Variants in TLCD4 observed in about 807,000 individuals in gnomAD.
TLCD4 encodes the protein TLC domain containing 4, also known as TLC domain-containing protein 4.
Under a neutral mutation model 24.2 loss-of-function variants are expected in TLCD4, and 7 were observed. The observed-to-expected ratio is 0.29, with a 90% CI of 0.16 to 0.54. The LOEUF (loss-of-function observed/expected upper bound fraction) is 0.54. TLCD4 is among the 20% of genes least tolerant of loss of function. The pLI, the probability that TLCD4 is intolerant of heterozygous loss-of-function variation, is 0.95. For missense variants in TLCD4, 259 were observed against 313.9 expected, an observed-to-expected ratio of 0.82 and a Z score of 1.32; for synonymous variants, 103 against 106.4, an observed-to-expected ratio of 0.97 and a Z score of 0.20.
intron 5 of TLCD4, among the ~76,000 whole-genome samples, chr1:95,172,734 A>G (rs1678272350): frequency 1.3e-5 from 2 of 152,196 alleles, no homozygotes; most frequent in African/African-American, 4.8e-5. Context: ...AAGTCCACCT[A>G]TTATTTTTTT....
chr1:95,111,323 A>C, the TLCD4 span, among the ~76,000 whole-genome samples: 6 of 128,224 alleles, frequency 4.7e-5, no homozygotes, highest in African/African-American at 8.3e-5. Flanking sequence ...CAAAACAAAA[A>C]AAAAGAAAAG....
intron 6 of TLCD4, among the ~76,000 whole-genome samples, chr1:95,183,582 T>C (rs1052688100): frequency 7.2e-5 from 11 of 152,178 alleles, no homozygotes; most frequent in African/African-American, 2.7e-4. Context: ...CTCACGCCTG[T>C]AATCCCAGCA....
intron 6 of TLCD4, among the ~76,000 whole-genome samples, chr1:95,183,374 G>C (rs6593615): frequency 0.98 from 149,663 of 152,252 alleles, 73,609 homozygotes; most frequent in East Asian, 1. Context: ...TAGGAAGACT[G>C]AGAGGGAAGG....
chr1:95,141,128 G>C (rs1228739761), intron 1 of TLCD4, among the ~76,000 whole-genome samples: 1 of 152,152 alleles, frequency 6.6e-6, no homozygotes, highest in Non-Finnish European at 1.5e-5. Flanking sequence ...TCCAAAGGGA[G>C]ACTCTAAACA....
the TLCD4 span, among the ~76,000 whole-genome samples, chr1:95,101,780 T>C: frequency 0.51 from 77,740 of 151,988 alleles, 21,353 homozygotes; most frequent in Non-Finnish European, 0.6. Context: ...AACTCTCAAA[T>C]GAGAAAAGAG....
intron 1 of TLCD4, among the ~76,000 whole-genome samples, chr1:95,142,970 C>T (rs1387210057): frequency 1.8e-4 from 2 of 10,936 alleles, no homozygotes; most frequent in African/African-American, 2.8e-4. Flanking sequence ...GGGTTGGGGG[C>T]GTGGCGGAGG....
In TLCD4 at chr1:95,191,598, T is replaced by C. The variant is rs1254860597; in HGVS notation, c.522T>C (p.Val174=). The change falls in exon 7 of 7, where the codon GTT becomes GTC. Residue 174 remains valine, a synonymous_variant. Transcript: ENST00000370203. The part of the protein sequence containing the change: ...LKYPKFSKAI[V]INGILMTVVF... ...ATCCCAAGTTTTCTAAAGCTATCGT[T>C]ATCAATGGAATACTCATGACAGTAG... 6.2e-7 allele frequency: 1 copy of C among 1,614,012 alleles called. No individual in the cohort carries two copies. The highest frequency in any genetic ancestry group is 8.5e-7 in the Non-Finnish European group (1 of 1,179,984).
chr1:95,129,470 G>A (rs988599734), intron 1 of TLCD4, among the ~76,000 whole-genome samples: 3 of 152,056 alleles, frequency 2.0e-5, no homozygotes, highest in Non-Finnish European at 4.4e-5. Context: ...GGCCAGGCGC[G>A]GTAGCTCACG....
chr1:95,186,748 G>T (rs903369550), intron 6 of TLCD4, among the ~76,000 whole-genome samples: 2 of 152,172 alleles, frequency 1.3e-5, no homozygotes, highest in African/African-American at 4.8e-5. Flanking sequence ...TTTCCTATTT[G>T]CAGTATTATT....
chr1:95,189,486 C>A (rs1678951484), intron 6 of TLCD4, among the ~76,000 whole-genome samples: 1 of 152,132 alleles, frequency 6.6e-6, no homozygotes, highest in Admixed American at 6.5e-5. Context: ...TGTCATGTAT[C>A]CACCACTATA....
chr1:95,165,470 T>TG (rs1229807250), intron 5 of TLCD4, among the ~76,000 whole-genome samples: 1 of 151,516 alleles, frequency 6.6e-6, no homozygotes, highest in Non-Finnish European at 1.5e-5. Context: ...TGTGTGTGTT[T>TG]TTTTTTTTTT....
At chr1:95,141,191 C>T (rs1677187847) in intron 1 of TLCD4, among the ~76,000 whole-genome samples, 2 of 152,118 alleles carry the variant, frequency 1.3e-5, no homozygotes, top group Non-Finnish European at 2.9e-5. Context: ...TAATATTCAT[C>T]CATTAGAACA....
intron 1 of TLCD4, among the ~76,000 whole-genome samples, chr1:95,121,452 TCA>T (rs1463529623): frequency 6.6e-6 from 1 of 152,208 alleles, no homozygotes; most frequent in East Asian, 1.9e-4. Context: ...GCTGCTTGCC[TCA>T]CAGAGAATTT....
chr1:95,134,068 G>A (rs1259220201), intron 1 of TLCD4, among the ~76,000 whole-genome samples: 2 of 151,996 alleles, frequency 1.3e-5, no homozygotes, highest in Non-Finnish European at 2.9e-5. Context: ...GAAGGCCCTG[G>A]TCAACAAAGG....
intron 6 of TLCD4, among the ~76,000 whole-genome samples, chr1:95,182,929 AAG>A (rs1238806938): frequency 6.6e-6 from 1 of 152,196 alleles, no homozygotes; most frequent in East Asian, 1.9e-4. Context: ...TGCTATGGGA[AAG>A]AGAAAGTATA....
intron 1 of TLCD4, among the ~76,000 whole-genome samples, chr1:95,124,561 T>C (rs1338483058): frequency 6.6e-6 from 1 of 152,166 alleles, no homozygotes; most frequent in East Asian, 1.9e-4. Flanking sequence ...TATCATGCCA[T>C]GGCACTGCTC....
At chr1:95,133,706 G>T (rs1024251122) in intron 1 of TLCD4, among the ~76,000 whole-genome samples, 6 of 152,038 alleles carry the variant, frequency 3.9e-5, no homozygotes, top group Non-Finnish European at 8.8e-5. Flanking sequence ...CTCTGAGAGG[G>T]TTGGTTGGAG....
the TLCD4 span, among the ~76,000 whole-genome samples, chr1:95,108,118 C>CT: frequency 6.6e-6 from 1 of 151,790 alleles, no homozygotes. Flanking sequence ...AGTGTCTGGT[C>CT]TTTTTCTTCT....
At chr1:95,130,198 G>A (rs1676850637) in intron 1 of TLCD4, among the ~76,000 whole-genome samples, 1 of 54,430 alleles carries the variant, frequency 1.8e-5, no homozygotes, top group African/African-American at 3.4e-5. Context: ...CTGTTGCCAG[G>A]CTGGAGTTCA....
Sources: allele counts gnomAD v4.1 joint callset (sites outside exome capture counted in the v4.1 genomes callset), GRCh38; gene constraint gnomAD v4.1.1; transcripts MANE v1.5; gene names NCBI Gene and HGNC (gene_info 2026-07-23, HGNC 2026-07-21).